IL12RB2: variants seen among roughly 807,000 people sequenced by gnomAD.
IL12RB2 encodes the protein interleukin-12 receptor subunit beta-2.
In IL12RB2, 82 loss-of-function variants were observed where a neutral mutation model predicts 89.4. The ratio of observed to expected loss-of-function variants is 0.92; its 90% CI spans 0.77 to 1.10. IL12RB2 has a LOEUF of 1.10. IL12RB2 is among the 50% of genes least tolerant of loss of function. The pLI, the probability that IL12RB2 is intolerant of heterozygous loss-of-function variation, is 0.00. For synonymous variants in IL12RB2, 368 were observed against 370.1 expected, an observed-to-expected ratio of 0.99 and a Z score of 0.07; for missense variants, 963 against 1,031.9, an observed-to-expected ratio of 0.93 and a Z score of 0.92.
intron 2 of IL12RB2, 64 bp from the exon 3 acceptor site, chr1:67,320,269 G>C (rs1161140405): frequency 6.2e-7 from 1 of 1,605,952 alleles, no homozygotes; most frequent in Non-Finnish European, 8.5e-7. Context: ...GCTCTTCTGA[G>C]CTATTTTGGC....
chr1:67,349,013 G>A (rs1288072520), intron 9 of IL12RB2, among the ~76,000 whole-genome samples: 1 of 152,122 alleles, frequency 6.6e-6, no homozygotes, highest in East Asian at 1.9e-4. Context: ...CATGCCCTCT[G>A]GAAATCTTTA....
chr1:67,327,371 T>G (rs903833618), intron 5 of IL12RB2, among the ~76,000 whole-genome samples: 1 of 152,206 alleles, frequency 6.6e-6, no homozygotes, highest in African/African-American at 2.4e-5. Context: ...ATCTACAGTA[T>G]GAGAGACCGA....
chr1:67,320,329 CAA>C lies in IL12RB2; in HGVS notation c.-36-3_-36-2del, dbSNP rs754990939. 2.5e-6 allele frequency: 4 copies of C among 1,613,556 alleles called. No individual in the cohort carries two copies. The South Asian group carries it at 3.3e-5, about 13-fold the overall frequency. On this transcript the variant is annotated splice_acceptor_variant and splice_polypyrimidine_tract_variant and intron_variant, in intron 2 of 16. Coordinates refer to ENST00000674203, the MANE Select transcript of IL12RB2 (RefSeq NM_001374259.2). LOFTEE classifies it low-confidence loss of function (5UTR_SPLICE). ...ACATGAATGAATTTGTCTTCTTTTG[CAA>C]GGAAGAATACGGAGTTCTATACCAG...
At chr1:67,388,121 G>A (rs1665420339) in intron 15 of IL12RB2, among the ~76,000 whole-genome samples, 1 of 151,930 alleles carries the variant, frequency 6.6e-6, no homozygotes, top group Non-Finnish European at 1.5e-5. Flanking sequence ...GTTGTAGTAA[G>A]TTGAGATTGC....
In IL12RB2 at chr1:67,367,817, C is replaced by T. The variant is rs556013406; in HGVS notation, c.1259-8C>T. 4.0e-5 allele frequency: 60 copies of T among 1,484,734 alleles called. No homozygotes were observed. In the South Asian group the frequency reaches 5.3e-4, roughly 13 times the overall value. 92.0% of individuals were successfully genotyped at this position (1,484,734 alleles called of 1,614,324 possible). ...TTATTTTGTTTCTCCTCTTTCTGTCCGATAAAGGGTTGCTGGCTCCTCGCC... is the reference window on the plus strand; with the variant it reads ...TTATTTTGTTTCTCCTCTTTCTGTCTGATAAAGGGTTGCTGGCTCCTCGCC... On this transcript the variant is annotated splice_region_variant and splice_polypyrimidine_tract_variant and intron_variant, in intron 10 of 16. Transcript: ENST00000674203.
At chr1:67,334,689 C>T (rs192476054) in intron 8 of IL12RB2, among the ~76,000 whole-genome samples, 26 of 152,234 alleles carry the variant, frequency 1.7e-4, no homozygotes, top group Admixed American at 1.6e-3. Flanking sequence ...CCGTGTTAGC[C>T]AGGATGGTCT....
At chr1:67,348,708 G>A (rs184291079) in intron 9 of IL12RB2, among the ~76,000 whole-genome samples, 306 of 151,304 alleles carry the variant, frequency 2.0e-3, no homozygotes, top group African/African-American at 7.1e-3. Context: ...ACTGTTTTCA[G>A]TTGCTTCAGG....
At chr1:67,387,652 C>T (rs941720975) in intron 15 of IL12RB2, among the ~76,000 whole-genome samples, 15 of 139,050 alleles carry the variant, frequency 1.1e-4, no homozygotes, top group Non-Finnish European at 1.4e-4. Context: ...TGCAGTGAAT[C>T]GAGATTGCAC....
intron 10 of IL12RB2, 22 bp from the exon 11 acceptor site, chr1:67,367,803 C>A: frequency 7.5e-7 from 1 of 1,331,952 alleles, no homozygotes; most frequent in Non-Finnish European, 1.1e-6. Flanking sequence ...TATTTTGTTT[C>A]TCCTCTTTCT....
At chr1:67,342,878 G>A (rs1659817169) in intron 9 of IL12RB2, among the ~76,000 whole-genome samples, 1 of 80,560 alleles carries the variant, frequency 1.2e-5, no homozygotes, top group Admixed American at 1.6e-4. Flanking sequence ...TCCCACCTCA[G>A]CCTCCCAAGT....
chr1:67,320,452 A>G lies in IL12RB2; in HGVS notation c.76+8A>G. 36 of 1,613,696 alleles carry G rather than the reference A, an allele frequency of 2.2e-5. No homozygotes were observed. Among genetic ancestry groups the G allele is most frequent in the Non-Finnish European group, 3.1e-5 (36 of 1,179,828 alleles). ...TGATTAAAGCAAAAATAGGTAAGAT[A>G]TTTCTGTAAGTTACTCTGTGGAAGA... On this transcript the variant is annotated splice_region_variant and intron_variant, in intron 3 of 16. Coordinates refer to ENST00000674203, the MANE Select transcript of IL12RB2 (RefSeq NM_001374259.2).
rs1219471058 is a variant in IL12RB2 at position 67,378,834 on chromosome 1, A to G, written c.1718-1152A>G. Among the ~76,000 whole-genome samples, 4 of 137,278 alleles carry G rather than the reference A, an allele frequency of 2.9e-5. No homozygotes were observed. The East Asian group carries it at 8.4e-4, about 29-fold the overall frequency. 90.1% of individuals were successfully genotyped at this position (137,278 alleles called of 152,430 possible). ...TACTGTACTCTAGCCTGGGTGACAG[A>G]GCAAGACTCTTCTCAAAAAAAAAAA... On this transcript the variant is annotated intron_variant, in intron 13 of 16. Coordinates refer to ENST00000674203, the MANE Select transcript of IL12RB2 (RefSeq NM_001374259.2).
chr1:67,362,572 C>CAAAAAA (rs956277979), intron 10 of IL12RB2, among the ~76,000 whole-genome samples: 190 of 37,528 alleles, frequency 5.1e-3, no homozygotes, highest in Middle Eastern at 0.012. Flanking sequence ...GACTCCGTCT[C>CAAAAAA]AAAAAAAAAA....
At chr1:67,315,850 C>T (rs559209789) in intron 2 of IL12RB2, among the ~76,000 whole-genome samples, 37 of 152,286 alleles carry the variant, frequency 2.4e-4, no homozygotes, top group Non-Finnish European at 4.9e-4. Context: ...GGAGTTTCAC[C>T]TTCTGATTTT....
In IL12RB2 at chr1:67,395,678, G is replaced by A. The variant is rs1570252356; in HGVS notation, c.2178G>A (p.Trp726Ter). 1 of 1,613,980 alleles carries A rather than the reference G, an allele frequency of 6.2e-7. No individual in the cohort carries two copies. Among genetic ancestry groups the A allele is most frequent in the South Asian group, 1.1e-5 (1 of 91,082 alleles). The change falls in exon 17 of 17, where the codon TGG becomes TGA. Residue 726 changes from tryptophan to a stop codon, truncating the protein, a stop_gained. Coordinates refer to ENST00000674203, the MANE Select transcript of IL12RB2 (RefSeq NM_001374259.2). LOFTEE classifies it low-confidence loss of function (END_TRUNC). ...TCAGACATCCCCCCTGCTCCAACTG[G>A]CCACAAAGGGAAAAAGGAATCCAAG... Reference protein sequence around the residue: ...PVFRHPPCSNWPQREKGIQGH... With the variant: ...PVFRHPPCSN
chr1:67,346,371 G>GTTATTTTTTTTTTTTTTT (rs1557429350), intron 9 of IL12RB2, among the ~76,000 whole-genome samples: 1 of 134,554 alleles, frequency 7.4e-6, no homozygotes, highest in African/African-American at 2.8e-5. Flanking sequence ...CCAGGTGAGG[G>GTTATTTTTTTTTTTTTTT]TTGTCTATTT....
chr1:67,333,579 A>G (rs1357978902), intron 8 of IL12RB2, among the ~76,000 whole-genome samples: 2 of 152,118 alleles, frequency 1.3e-5, no homozygotes, highest in East Asian at 3.8e-4. Flanking sequence ...TTACTATGTC[A>G]TTAAATTCAG....
chr1:67,322,000 C>A, intron 4 of IL12RB2, 111 bp downstream of exon 4: 1 of 934,254 alleles, frequency 1.1e-6, no homozygotes, highest in Non-Finnish European at 1.8e-6. Context: ...TCTTTCTTTT[C>A]CCACCACATT....
chr1:67,318,092 G>A (rs143891468), intron 2 of IL12RB2, among the ~76,000 whole-genome samples: 49 of 152,284 alleles, frequency 3.2e-4, no homozygotes, highest in Middle Eastern at 3.4e-3. Context: ...ACACGAAGAC[G>A]CAAGGGAAGA....
Sources: gnomAD v4.1 joint callset for allele counts (sites outside exome capture counted in the v4.1 genomes callset) on GRCh38, gnomAD v4.1.1 for gene constraint, MANE v1.5 for transcripts, NCBI Gene and HGNC (gene_info 2026-07-23, HGNC 2026-07-21) for gene names.